ASXL3: variants seen among roughly 807,000 people sequenced by gnomAD.
ASXL3 encodes the protein ASXL transcriptional regulator 3, also known as putative Polycomb group protein ASXL3.
ASXL3 carries 34 observed loss-of-function variants against 170.6 expected under a neutral mutation model. The ratio of observed to expected loss-of-function variants is 0.20; its 90% confidence interval spans 0.15 to 0.27. The LOEUF is 0.27. Among genes scored for constraint, ASXL3 ranks in the 10% least tolerant of loss-of-function variants. The pLI is 1.00. For synonymous variants in ASXL3, 1,002 were observed against 989.1 expected (o/e 1.01, Z -0.24); for missense variants, 2,592 against 2,695.3 (o/e 0.96, Z 0.85).
At chr18:33,729,918 C>T (rs988048849) in intron 8 of ASXL3, among the ~76,000 whole-genome samples, 3 of 152,242 alleles carry the variant, frequency 2.0e-5, no homozygotes, top group African/African-American at 4.8e-5. Flanking sequence ...CCCTTCTGTC[C>T]ATCCCTTCCC....
intron 2 of ASXL3, among the ~76,000 whole-genome samples, chr18:33,640,327 TTCAG>T (rs2065826564): frequency 6.6e-6 from 1 of 152,014 alleles, no homozygotes; most frequent in Non-Finnish European, 1.5e-5. Context: ...AGATTTTATT[TTCAG>T]TCATTTTAGA....
intron 1 of ASXL3, among the ~76,000 whole-genome samples, chr18:33,583,168 A>T (rs968265951): frequency 6.6e-6 from 1 of 152,166 alleles, no homozygotes; most frequent in South Asian, 2.1e-4. Context: ...AGTGATAAGC[A>T]TGGTGATAGG....
At chr18:33,699,494 C>T (rs2066833092) in intron 8 of ASXL3, among the ~76,000 whole-genome samples, 1 of 151,962 alleles carries the variant, frequency 6.6e-6, no homozygotes, top group African/African-American at 2.4e-5. Context: ...GAGTATTACT[C>T]ATGTATTGAG....
intron 8 of ASXL3, among the ~76,000 whole-genome samples, chr18:33,731,188 T>G (rs1013451820): frequency 1.4e-5 from 2 of 145,596 alleles, no homozygotes; most frequent in Non-Finnish European, 3.0e-5. Context: ...GAAAATGGAG[T>G]GTAGAAAAGA....
At chr18:33,729,194 A>C (rs1021635437) in intron 8 of ASXL3, among the ~76,000 whole-genome samples, 1 of 152,176 alleles carries the variant, frequency 6.6e-6, no homozygotes, top group Non-Finnish European at 1.5e-5. Flanking sequence ...GAGACAGGGA[A>C]GAGAGAAGCC....
chr18:33,657,358 G>C (rs1271508995), intron 4 of ASXL3, among the ~76,000 whole-genome samples: 1 of 152,060 alleles, frequency 6.6e-6, no homozygotes, highest in African/African-American at 2.4e-5. Flanking sequence ...GAGGCTGGCA[G>C]GATGTGAGAC....
At chr18:33,625,132 C>G (rs2145160386) in intron 2 of ASXL3, among the ~76,000 whole-genome samples, 1 of 152,072 alleles carries the variant, frequency 6.6e-6, no homozygotes, top group African/African-American at 2.4e-5. Flanking sequence ...TTTTGTATTC[C>G]TTGGGGGAAT....
chr18:33,668,443 A>G (rs1476941627), intron 5 of ASXL3, among the ~76,000 whole-genome samples: 4 of 147,510 alleles, frequency 2.7e-5, no homozygotes, highest in Admixed American at 6.8e-5. Flanking sequence ...AAAAAAAAAA[A>G]TAGGAAAAAA....
intron 5 of ASXL3, among the ~76,000 whole-genome samples, chr18:33,670,306 A>G (rs542915934): frequency 2.0e-5 from 3 of 152,362 alleles, no homozygotes; most frequent in Non-Finnish European, 4.4e-5. Context: ...GTGCAGACAC[A>G]TATATTTTTA....
intron 10 of ASXL3, 111 bp from the exon 11 acceptor site, chr18:33,738,376 A>G: frequency 1.8e-6 from 2 of 1,103,604 alleles, no homozygotes; most frequent in Non-Finnish European, 2.5e-6. Context: ...TAATGATTAT[A>G]AATGTAATTT....
chr18:33,713,550 C>T (rs991324408), intron 8 of ASXL3, among the ~76,000 whole-genome samples: 32 of 152,036 alleles, frequency 2.1e-4, no homozygotes, highest in Middle Eastern at 3.4e-3. Context: ...CCACCGTGCC[C>T]GGCCTGAGCT....
At chr18:33,662,899 C>G (rs1290215488) in intron 5 of ASXL3, among the ~76,000 whole-genome samples, 1 of 152,182 alleles carries the variant, frequency 6.6e-6, no homozygotes, top group Non-Finnish European at 1.5e-5. Flanking sequence ...TTAGACATCT[C>G]TACCTATCTT....
At chr18:33,594,194 T>A (rs1158823014) in intron 1 of ASXL3, among the ~76,000 whole-genome samples, 1 of 152,202 alleles carries the variant, frequency 6.6e-6, no homozygotes, top group Non-Finnish European at 1.5e-5. Context: ...TTAGGCAAAA[T>A]TTAATAATGC....
intron 10 of ASXL3, among the ~76,000 whole-genome samples, chr18:33,736,754 A>G (rs1389777477): frequency 1.3e-5 from 2 of 152,120 alleles, no homozygotes; most frequent in Non-Finnish European, 2.9e-5. Flanking sequence ...TTGTGTCTAG[A>G]TTTCTGGAGG....
intron 1 of ASXL3, among the ~76,000 whole-genome samples, chr18:33,582,735 TG>T (rs748959481): frequency 0.066 from 9,992 of 150,566 alleles, 335 homozygotes; most frequent in African/African-American, 0.074. Context: ...TGTGTGTGTG[TG>T]TGTGTTTTCT....
chr18:33,607,134 A>C (rs1247425747), intron 1 of ASXL3, among the ~76,000 whole-genome samples: 1 of 151,954 alleles, frequency 6.6e-6, no homozygotes, highest in African/African-American at 2.4e-5. Flanking sequence ...TGCTTCTTTC[A>C]ACATTTTGGC....
intron 10 of ASXL3, among the ~76,000 whole-genome samples, chr18:33,735,704 C>T (rs1008061982): frequency 1.3e-4 from 20 of 152,094 alleles, no homozygotes; most frequent in Non-Finnish European, 2.8e-4. Flanking sequence ...AAAGAAAATG[C>T]GGGGAGCTCT....
At chr18:33,580,284 T>C (rs1422863659) in intron 1 of ASXL3, among the ~76,000 whole-genome samples, 1 of 152,196 alleles carries the variant, frequency 6.6e-6, no homozygotes, top group Non-Finnish European at 1.5e-5. Flanking sequence ...AAGTGTTAAG[T>C]AGATGCCAGA....
chr18:33,745,696 G>T lies in ASXL3; in HGVS notation c.5848G>T (p.Ala1950Ser), dbSNP rs1180921966. ...CATTCCTACTGCAGCTCTGTTACAG[G>T]CCTCTTCCAAGACCCCAGTGGGGTG... ...GPIPTAALLQ[A>S]SSKTPVGCNA... The change falls in exon 12 of 12, where the codon GCC (alanine) becomes TCC (serine). Residue 1950 changes from alanine to serine, a missense_variant. This residue lies in a region of ASXL3 where 2,246 missense variants were observed against 2,219.6 expected (regional missense o/e 1.01). Coordinates refer to ENST00000269197, the MANE Select transcript of ASXL3 (RefSeq NM_030632.3). The T allele has an allele frequency of 6.2e-7, 1 of 1,613,954 alleles. No individual in the cohort carries two copies. Among genetic ancestry groups the T allele is most frequent in the South Asian group, 1.1e-5 (1 of 91,082 alleles).
Sources: gnomAD v4.1 joint callset for allele counts (sites outside exome capture counted in the v4.1 genomes callset) on GRCh38, gnomAD v4.1.1 for gene constraint, gnomAD v4.1.1 regional missense constraint, MANE v1.5 for transcripts, NCBI Gene and HGNC (gene_info 2026-07-23, HGNC 2026-07-21) for gene names.